The following ENTPD1 variants were observed in gnomAD, a reference collection of about 807,000 sequenced individuals.
ENTPD1 encodes the protein ectonucleoside triphosphate diphosphohydrolase 1.
Under a neutral mutation model 57.0 loss-of-function variants are expected in ENTPD1, and 33 were observed. The observed-to-expected ratio is 0.58, with a 90% CI of 0.44 to 0.77. ENTPD1 has a LOEUF of 0.77. ENTPD1 is among the 30% of genes least tolerant of loss of function. The pLI is 0.00. For synonymous variants in ENTPD1, 202 were observed against 218.8 expected, an observed-to-expected ratio of 0.92 and a Z score of 0.68; for missense variants, 501 against 603.4, an observed-to-expected ratio of 0.83 and a Z score of 1.78.
At chr10:95,789,263 GA>G (rs2098193286) in intron 1 of ENTPD1, among the ~76,000 whole-genome samples, 1 of 152,108 alleles carries the variant, frequency 6.6e-6, no homozygotes, top group South Asian at 2.1e-4. Flanking sequence ...TAAATTATTG[GA>G]ATTGGTAATC....
chr10:95,842,124 T>A (rs1055362102), intron 3 of ENTPD1, among the ~76,000 whole-genome samples: 45 of 152,278 alleles, frequency 3.0e-4, no homozygotes, highest in African/African-American at 1.1e-3. Context: ...AGTGGCAGAA[T>A]TATTGAACAC....
chr10:95,824,235 G>A (rs2140570268), intron 2 of ENTPD1, among the ~76,000 whole-genome samples: 1 of 152,348 alleles, frequency 6.6e-6, no homozygotes, highest in African/African-American at 2.4e-5. Flanking sequence ...TAATATGCAT[G>A]TATGTACACA....
chr10:95,860,940 A>G (rs1452207954), intron 8 of ENTPD1, among the ~76,000 whole-genome samples: 1 of 152,236 alleles, frequency 6.6e-6, no homozygotes, highest in African/African-American at 2.4e-5. Context: ...CATCACAGCC[A>G]TGTTCAGAAA....
At chr10:95,756,936 A>G (rs1301229015) in intron 1 of ENTPD1, among the ~76,000 whole-genome samples, 2 of 152,230 alleles carry the variant, frequency 1.3e-5, no homozygotes, top group Non-Finnish European at 2.9e-5. Flanking sequence ...TCTAAAAACT[A>G]CAAGAGCAGC....
At chr10:95,750,368 A>T (rs1375772156) in intron 1 of ENTPD1, among the ~76,000 whole-genome samples, 4 of 152,098 alleles carry the variant, frequency 2.6e-5, no homozygotes, top group Non-Finnish European at 2.9e-5. Flanking sequence ...TCCCTCATGA[A>T]TGACTTGGTG....
upstream of ENTPD1, among the ~76,000 whole-genome samples, chr10:95,710,553 TCTC>T (rs1317685688): frequency 6.6e-6 from 1 of 152,178 alleles, no homozygotes; most frequent in Non-Finnish European, 1.5e-5. Context: ...GCAGAATTCA[TCTC>T]CTTGCTTTTT....
intron 1 of ENTPD1, among the ~76,000 whole-genome samples, chr10:95,763,557 T>C (rs2140021546): frequency 6.6e-6 from 1 of 152,342 alleles, no homozygotes; most frequent in South Asian, 2.1e-4. Context: ...AATCCAGTCT[T>C]TTCAATTATA....
At chr10:95,830,743 C>T (rs2098393901) in intron 2 of ENTPD1, among the ~76,000 whole-genome samples, 1 of 151,974 alleles carries the variant, frequency 6.6e-6, no homozygotes, top group Non-Finnish European at 1.5e-5. Context: ...GCAGAGGTTG[C>T]AGTGAGCTGA....
In ENTPD1 at chr10:95,872,113, T is replaced by G. The variant is rs1449192361; in HGVS notation, c.*5730T>G. On this transcript the variant is annotated 3_prime_UTR_variant, in exon 10 of 10. Transcript: ENST00000371205. ...TTTATTTCTCCTTCTAATATTACTGTTATTGCTCCAGTAAAGAGCTGTAAT... is the reference window on the plus strand; with the variant it reads ...TTTATTTCTCCTTCTAATATTACTGGTATTGCTCCAGTAAAGAGCTGTAAT... The G allele has an allele frequency of 1.0e-6, 1 of 985,330 alleles. No individual in the cohort carries two copies. Among genetic ancestry groups the G allele is most frequent in the African/African-American group, 1.7e-5 (1 of 57,254 alleles). 61.0% of individuals were successfully genotyped at this position (985,330 alleles called of 1,614,324 possible).
the ENTPD1 span, among the ~76,000 whole-genome samples, chr10:95,697,401 C>T: frequency 3.3e-5 from 5 of 152,122 alleles, no homozygotes; most frequent in Admixed American, 2.0e-4. Flanking sequence ...AGGCCCCACA[C>T]GTTGAGACTG....
intron 1 of ENTPD1, among the ~76,000 whole-genome samples, chr10:95,793,910 A>G (rs2098216070): frequency 6.6e-6 from 1 of 152,194 alleles, no homozygotes; most frequent in African/African-American, 2.4e-5. Context: ...GAATTGTGAA[A>G]TCAAATAGGA....
chr10:95,711,954 G>A, exon 1 of ENTPD1: 1 of 1,613,106 alleles, frequency 6.2e-7, no homozygotes, highest in Non-Finnish European at 8.5e-7. Context: ...TCTGGAAGCT[G>A]CAATGAAGGG....
At chr10:95,799,406 T>C (rs1291525821) in intron 1 of ENTPD1, among the ~76,000 whole-genome samples, 2 of 152,212 alleles carry the variant, frequency 1.3e-5, no homozygotes, top group Non-Finnish European at 2.9e-5. Flanking sequence ...TTTGGTTTTT[T>C]GTTCCTGCAT....
At chr10:95,845,025 C>A (rs1000518911) in intron 5 of ENTPD1, among the ~76,000 whole-genome samples, 1 of 152,114 alleles carries the variant, frequency 6.6e-6, no homozygotes, top group Non-Finnish European at 1.5e-5. Context: ...ATTTTAGAGC[C>A]CCATATCGAT....
At chr10:95,848,450 C>T (rs567565950) in intron 7 of ENTPD1, among the ~76,000 whole-genome samples, 22 of 152,096 alleles carry the variant, frequency 1.4e-4, no homozygotes, top group African/African-American at 5.1e-4. Flanking sequence ...ATTATCTTCC[C>T]GTCTGCTTGG....
intron 2 of ENTPD1, among the ~76,000 whole-genome samples, chr10:95,834,122 A>G (rs2098403792): frequency 1.3e-5 from 2 of 152,274 alleles, no homozygotes; most frequent in Admixed American, 6.5e-5. Flanking sequence ...TTAGGGCTGG[A>G]AGGAATTTAG....
chr10:95,844,944 G>A (rs2098431356), intron 5 of ENTPD1: 1 of 476,684 alleles, frequency 2.1e-6, no homozygotes, highest in Non-Finnish European at 3.8e-6. Context: ...GTCTCCCGCT[G>A]TGCTCAGCAC....
At chr10:95,826,148 T>C (rs1398371606) in intron 2 of ENTPD1, among the ~76,000 whole-genome samples, 1 of 152,180 alleles carries the variant, frequency 6.6e-6, no homozygotes, top group Non-Finnish European at 1.5e-5. Flanking sequence ...ACACAAATTA[T>C]TAATTGTAAT....
At chr10:95,851,226 G>A (rs1454204049) in intron 7 of ENTPD1, among the ~76,000 whole-genome samples, 5 of 152,000 alleles carry the variant, frequency 3.3e-5, no homozygotes, top group East Asian at 1.9e-4. Flanking sequence ...ATACATAAAT[G>A]TGTGTATATT....
Sources: allele counts gnomAD v4.1 joint callset (sites outside exome capture counted in the v4.1 genomes callset), GRCh38; gene constraint gnomAD v4.1.1; transcripts MANE v1.5; gene names NCBI Gene and HGNC (gene_info 2026-07-23, HGNC 2026-07-21).